The following NAALADL2 variants were observed in gnomAD, a reference collection of about 807,000 sequenced individuals.
NAALADL2 encodes the protein N-acetylated alpha-linked acidic dipeptidase like 2.
In NAALADL2, 76 loss-of-function variants were observed where a neutral mutation model predicts 87.2. The observed-to-expected ratio is 0.87, with a 90% CI of 0.72 to 1.05. The LOEUF is 1.05. Among genes scored for constraint, NAALADL2 ranks in the 50% least tolerant of loss-of-function variants. The pLI is 0.00. For missense variants in NAALADL2, 1,089 were observed against 945.8 expected (o/e 1.15, Z -1.99); for synonymous variants, 354 against 331.0 (o/e 1.07, Z -0.75).
At chr3:174,877,354 A>C (rs1404251704) in intron 1 of NAALADL2, among the ~76,000 whole-genome samples, 1 of 152,112 alleles carries the variant, frequency 6.6e-6, no homozygotes, top group Non-Finnish European at 1.5e-5. Flanking sequence ...GATTAATTAA[A>C]GTGATCCTTC....
chr3:175,446,914 C>A (rs1241091989), intron 5 of NAALADL2, among the ~76,000 whole-genome samples: 1 of 152,136 alleles, frequency 6.6e-6, no homozygotes, highest in Non-Finnish European at 1.5e-5. Context: ...TATCTATTCT[C>A]CTGGCCCCTG....
chr3:174,883,583 G>C (rs1270367275), intron 1 of NAALADL2, among the ~76,000 whole-genome samples: 3 of 152,142 alleles, frequency 2.0e-5, no homozygotes, highest in Non-Finnish European at 4.4e-5. Flanking sequence ...TATTTTCTTA[G>C]TACAAGTGTA....
intron 2 of NAALADL2, among the ~76,000 whole-genome samples, chr3:174,596,095 G>T (rs934043656): frequency 6.6e-6 from 1 of 152,086 alleles, no homozygotes; most frequent in Non-Finnish European, 1.5e-5. Flanking sequence ...AAACTGCCAT[G>T]ACTCTCTATA....
chr3:175,786,996 T>C (rs1227316022), intron 13 of NAALADL2, among the ~76,000 whole-genome samples: 3 of 151,764 alleles, frequency 2.0e-5, no homozygotes, highest in South Asian at 2.1e-4. Flanking sequence ...GTGCCCCTGC[T>C]GGGGGGTGCC....
chr3:175,619,236 A>AAGG (rs1560860663), intron 10 of NAALADL2, among the ~76,000 whole-genome samples: 11 of 142,312 alleles, frequency 7.7e-5, no homozygotes, highest in South Asian at 2.3e-4. Context: ...AGAAAGAAAG[A>AAGG]AAGGAAGGAA....
intron 5 of NAALADL2, among the ~76,000 whole-genome samples, chr3:175,388,560 T>C (rs1322029130): frequency 6.6e-6 from 1 of 152,104 alleles, no homozygotes; most frequent in Non-Finnish European, 1.5e-5. Context: ...CTAAAGATTG[T>C]AAATAACCAC....
At chr3:175,061,063 T>A (rs559585443) in intron 1 of NAALADL2, among the ~76,000 whole-genome samples, 1 of 152,056 alleles carries the variant, frequency 6.6e-6, no homozygotes, top group East Asian at 1.9e-4. Context: ...ACAAAAAAAA[T>A]CCTTCAGAGA....
chr3:175,119,687 G>A (rs973240959), intron 2 of NAALADL2, among the ~76,000 whole-genome samples: 10 of 47,700 alleles, frequency 2.1e-4, no homozygotes, highest in Non-Finnish European at 4.2e-4. Context: ...TTAGTAAGGT[G>A]TGTATATATA....
intron 4 of NAALADL2, among the ~76,000 whole-genome samples, chr3:175,262,251 A>G (rs1198505008): frequency 1.3e-5 from 2 of 152,172 alleles, no homozygotes; most frequent in African/African-American, 4.8e-5. Flanking sequence ...CTTATTTTAC[A>G]TGAAGCATTT....
intron 10 of NAALADL2, among the ~76,000 whole-genome samples, chr3:175,583,382 G>A (rs530651956): frequency 6.6e-6 from 1 of 151,738 alleles, no homozygotes; most frequent in South Asian, 2.1e-4. Flanking sequence ...AAATGCAATT[G>A]TATCTCATGA....
chr3:175,487,021 C>A (rs1246389801), intron 9 of NAALADL2, among the ~76,000 whole-genome samples: 1 of 152,134 alleles, frequency 6.6e-6, no homozygotes, highest in African/African-American at 2.4e-5. Context: ...AGCCAGTTAT[C>A]CTTGAAGACT....
intron 5 of NAALADL2, among the ~76,000 whole-genome samples, chr3:175,345,097 C>A (rs1762989735): frequency 7.0e-6 from 1 of 143,220 alleles, no homozygotes; most frequent in Admixed American, 7.0e-5. Context: ...TCAAAGTAGG[C>A]TAGTCAGTCA....
At chr3:174,794,119 TTTTC>T (rs1240469253) in intron 3 of NAALADL2, among the ~76,000 whole-genome samples, 1 of 152,070 alleles carries the variant, frequency 6.6e-6, no homozygotes, top group African/African-American at 2.4e-5. Flanking sequence ...TATGGAATTA[TTTTC>T]TTTATTTTCA....
intron 2 of NAALADL2, among the ~76,000 whole-genome samples, chr3:175,233,432 T>G (rs1745303718): frequency 6.6e-6 from 1 of 152,088 alleles, no homozygotes; most frequent in Non-Finnish European, 1.5e-5. Context: ...TTTTTTGTTT[T>G]GTTTTGTTTT....
At chr3:175,004,054 C>T (rs529665103) in intron 1 of NAALADL2, among the ~76,000 whole-genome samples, 1 of 152,244 alleles carries the variant, frequency 6.6e-6, no homozygotes. Flanking sequence ...CTAAGAAACA[C>T]ACAGAGTGTA....
At chr3:174,748,237 A>G (rs1734469770) in intron 3 of NAALADL2, among the ~76,000 whole-genome samples, 1 of 152,106 alleles carries the variant, frequency 6.6e-6, no homozygotes, top group African/African-American at 2.4e-5. Context: ...ATGGGTTGGT[A>G]GGTGCAGCAA....
chr3:174,911,073 T>G (rs1733632009), intron 1 of NAALADL2, among the ~76,000 whole-genome samples: 7 of 152,118 alleles, frequency 4.6e-5, no homozygotes, highest in Admixed American at 4.6e-4. Flanking sequence ...CACAAATCAG[T>G]GCAATGGAAT....
chr3:174,869,864 C>T (rs1303748644), intron 1 of NAALADL2, among the ~76,000 whole-genome samples: 1 of 151,866 alleles, frequency 6.6e-6, no homozygotes, highest in African/African-American at 2.4e-5. Flanking sequence ...GGCGTGGTGG[C>T]TCGTGCCTGT....
At chr3:174,789,840 CAGAT>C (rs1322728315) in intron 3 of NAALADL2, among the ~76,000 whole-genome samples, 1 of 152,168 alleles carries the variant, frequency 6.6e-6, no homozygotes, top group African/African-American at 2.4e-5. Flanking sequence ...AAGTTGAAAA[CAGAT>C]AGAAGAACAA....
Sources: gnomAD v4.1 joint callset for allele counts (sites outside exome capture counted in the v4.1 genomes callset) on GRCh38, gnomAD v4.1.1 for gene constraint, MANE v1.5 for transcripts, NCBI Gene and HGNC (gene_info 2026-07-23, HGNC 2026-07-21) for gene names.